The following OPHN1 variants were observed in gnomAD, a reference collection of about 807,000 sequenced individuals.
OPHN1 encodes oligophrenin-1.
Under a neutral mutation model 60.7 loss-of-function variants are expected in OPHN1, and 11 were observed. The ratio of observed to expected loss-of-function variants is 0.18; its 90% CI spans 0.11 to 0.30. The LOEUF is 0.30. Among genes scored for constraint, OPHN1 ranks in the 10% least tolerant of loss-of-function variants. OPHN1 has a pLI of 1.00. For synonymous variants in OPHN1, 226 were observed against 222.6 expected, an observed-to-expected ratio of 1.02 and a Z score of -0.14; for missense variants, 449 against 611.0, an observed-to-expected ratio of 0.73 and a Z score of 2.80.
intron 6 of OPHN1, 83 bp from the exon 7 acceptor site, chrX:68,214,055 A>G (rs2077597399): frequency 1.7e-6 from 1 of 573,527 alleles, no homozygotes. Context: ...AGAATGCTAG[A>G]GCTAGATGAG....
chrX:68,298,691 C>A (rs1168190854), intron 3 of OPHN1, among the ~76,000 whole-genome samples: 1 of 111,827 alleles, frequency 8.9e-6, no homozygotes, highest in Non-Finnish European at 1.9e-5. Context: ...GGGAAATAAA[C>A]CAAAAAAGTC....
intron 15 of OPHN1, among the ~76,000 whole-genome samples, chrX:68,125,393 A>G (rs1386902255): frequency 3.6e-5 from 4 of 111,839 alleles, no homozygotes; most frequent in Non-Finnish European, 7.5e-5. Flanking sequence ...CAATAAAACA[A>G]AAAGTTGGTT....
chrX:68,058,651 A>G (rs1181596039), intron 21 of OPHN1, among the ~76,000 whole-genome samples: 1 of 111,765 alleles, frequency 8.9e-6, no homozygotes, highest in African/African-American at 3.3e-5. Context: ...CCCATCTTCC[A>G]TGTCTGCCAT....
At chrX:68,152,550 C>T (rs904160490) in intron 15 of OPHN1, among the ~76,000 whole-genome samples, 1 of 108,741 alleles carries the variant, frequency 9.2e-6, no homozygotes, top group Non-Finnish European at 1.9e-5. Context: ...CTCAGGTGAT[C>T]CTCCCACCTC....
intron 19 of OPHN1, among the ~76,000 whole-genome samples, chrX:68,096,174 C>A (rs1290020891): frequency 9.0e-6 from 1 of 110,904 alleles, no homozygotes; most frequent in East Asian, 2.9e-4. Context: ...CCAGAGGTAC[C>A]CTCCCTATAA....
At chrX:68,306,341 A>T (rs781075952) in intron 2 of OPHN1, among the ~76,000 whole-genome samples, 20 of 112,080 alleles carry the variant, frequency 1.8e-4, no homozygotes, top group Non-Finnish European at 3.2e-4. Flanking sequence ...AGCCAGGTAA[A>T]GATAATGAGC....
intron 2 of OPHN1, among the ~76,000 whole-genome samples, chrX:68,410,933 T>C (rs1230918979): frequency 8.9e-6 from 1 of 111,837 alleles, no homozygotes; most frequent in Non-Finnish European, 1.9e-5. Context: ...GTAATATTAT[T>C]TCAGCCGTAA....
intron 17 of OPHN1, among the ~76,000 whole-genome samples, chrX:68,112,207 A>G (rs2077108408): frequency 9.0e-6 from 1 of 110,585 alleles, no homozygotes; most frequent in African/African-American, 3.3e-5. Flanking sequence ...AGAGACCCAG[A>G]AACAAAGACA....
rs192580445 is a variant in OPHN1 at position 68,391,754 on chromosome X, A to G, written c.154+41113T>C. ...AGGGACGTAGGAGGATCAATGGAGG[A>G]GAGAAGTCAGTAATGTAATGATGGA... On this transcript the variant is annotated intron_variant, in intron 2 of 24. Transcript: ENST00000355520. Among the ~76,000 whole-genome samples, 381 of 111,598 alleles carry G rather than the reference A, an allele frequency of 3.4e-3. 6 individuals are homozygous for G. Among genetic ancestry groups the G allele is most frequent in the Admixed American group, 0.031 (324 of 10,377 alleles).
chrX:68,279,789 G>T (rs1569267690), intron 4 of OPHN1, among the ~76,000 whole-genome samples: 1 of 111,795 alleles, frequency 8.9e-6, no homozygotes, highest in East Asian at 2.8e-4. Context: ...ATATACGATT[G>T]AAAAGTTGTT....
At chrX:68,317,074 G>A (rs896633255) in intron 2 of OPHN1, among the ~76,000 whole-genome samples, 10 of 109,652 alleles carry the variant, frequency 9.1e-5, no homozygotes, top group African/African-American at 3.3e-4. Context: ...TGAGGCATGT[G>A]GATTGCTTGA....
rs766031490 is a variant in OPHN1 at position 68,348,874 on chromosome X, A to T, written c.155-49778T>A. 4.5e-4 allele frequency among the ~76,000 whole-genome samples: 50 copies of T among 111,879 alleles called. 2 individuals are homozygous for T. Among genetic ancestry groups the T allele is most frequent in the Non-Finnish European group, 8.1e-4 (43 of 53,238 alleles). ...GGCAGAGGAAACAGCAGATAAATAGACAAGGAATCCAAAAGGAAATTAGAA... is the reference window on the plus strand; with the variant it reads ...GGCAGAGGAAACAGCAGATAAATAGTCAAGGAATCCAAAAGGAAATTAGAA... On this transcript the variant is annotated intron_variant, in intron 2 of 24. Transcript: ENST00000355520.
intron 2 of OPHN1, among the ~76,000 whole-genome samples, chrX:68,410,576 G>T (rs1045932495): frequency 2.7e-5 from 3 of 109,577 alleles, no homozygotes; most frequent in African/African-American, 1.0e-4. Context: ...AAAAAAAGTG[G>T]AAGAACAAAC....
In OPHN1 at chrX:68,378,765, G is replaced by C. The variant is rs759830188; in HGVS notation, c.154+54102C>G. Among the ~76,000 whole-genome samples the C allele has an allele frequency of 2.7e-5, 3 of 111,126 alleles. No homozygotes were observed. In the South Asian group the frequency reaches 1.1e-3, roughly 42 times the overall value. On this transcript the variant is annotated intron_variant, in intron 2 of 24. Transcript: ENST00000355520. Reference sequence around the variant, plus strand: ...TGTAGATATGTGGCGTTATTTCTGAGGGCTCTGTTCTGTTCCATTGATCTA... The same window carrying C: ...TGTAGATATGTGGCGTTATTTCTGACGGCTCTGTTCTGTTCCATTGATCTA...
intron 12 of OPHN1, among the ~76,000 whole-genome samples, chrX:68,195,006 GGA>G (rs1274040763): frequency 0.041 from 1,836 of 45,264 alleles, 95 homozygotes; most frequent in African/African-American, 0.18. Flanking sequence ...GAGAAAGAAA[GGA>G]AGGAAGGAAG....
At position 68,089,306 on chromosome X, in the gene OPHN1, G is replaced by C. The variant is rs1056281988; in HGVS notation, c.1686+7564C>G. ...CAAGAAAATCGCTGGCCATTGAGGG[G>C]AATGGACAATATGACCTTGGAGATA... On this transcript the variant is annotated intron_variant, in intron 19 of 24. Coordinates refer to ENST00000355520, the MANE Select transcript of OPHN1 (RefSeq NM_002547.3). Among the ~76,000 whole-genome samples, 5 of 111,398 alleles carry C rather than the reference G, an allele frequency of 4.5e-5. No homozygotes were observed. The Admixed American group carries it at 4.8e-4, about 11-fold the overall frequency.
At chrX:68,266,427 T>C (rs966237844) in intron 5 of OPHN1, among the ~76,000 whole-genome samples, 1 of 111,142 alleles carries the variant, frequency 9.0e-6, no homozygotes, top group Non-Finnish European at 1.9e-5. Flanking sequence ...CCAGCCAAAC[T>C]AAGCTTCATG....
At chrX:68,350,428 C>T (rs1341723556) in intron 2 of OPHN1, among the ~76,000 whole-genome samples, 2 of 90,386 alleles carry the variant, frequency 2.2e-5, no homozygotes, top group Non-Finnish European at 2.2e-5. Flanking sequence ...TCTCCCCTCC[C>T]TCCCTCTCTC....
intron 2 of OPHN1, among the ~76,000 whole-genome samples, chrX:68,383,598 GAAAAAAAAAAAAA>G (rs10591078): frequency 1.3e-4 from 3 of 22,366 alleles, no homozygotes; most frequent in African/African-American, 1.7e-4. Context: ...CTCCATCCCA[GAAAAAAAAAAAAA>G]AAAAAAAAAA....
Sources: gnomAD v4.1 joint callset for allele counts (sites outside exome capture counted in the v4.1 genomes callset) on GRCh38, gnomAD v4.1.1 for gene constraint, MANE v1.5 for transcripts, NCBI Gene and HGNC (gene_info 2026-07-23, HGNC 2026-07-21) for gene names.